The following CCSER1 variants were observed in gnomAD, a reference collection of about 807,000 sequenced individuals.
CCSER1 encodes the protein coiled-coil serine rich protein 1, also known as serine-rich coiled-coil domain-containing protein 1.
In CCSER1, 41 loss-of-function variants were observed where a neutral mutation model predicts 82.0. That is an observed-to-expected ratio of 0.50 (90% confidence interval 0.39 to 0.65). The LOEUF (loss-of-function observed/expected upper bound fraction) is 0.65, where lower values mean the gene tolerates loss of function less well. Ranked by LOEUF, CCSER1 falls within the 30% of genes least tolerant of loss-of-function variation. The probability of loss-of-function intolerance (pLI) is 0.00; values close to 1 mark genes in which losing one functional copy is unlikely to be tolerated. For synonymous variants in CCSER1, 414 were observed against 383.9 expected (o/e 1.08, Z -0.92); for missense variants, 1,119 against 1,064.2 (o/e 1.05, Z -0.72).
intron 4 of CCSER1, among the ~76,000 whole-genome samples, chr4:90,438,357 C>CT (rs1222367697): frequency 1.3e-5 from 2 of 152,084 alleles, no homozygotes; most frequent in Non-Finnish European, 2.9e-5. Flanking sequence ...CACATTTTGA[C>CT]TAAGATCCTT....
At chr4:90,206,521 T>G (rs1264813279) in intron 1 of CCSER1, among the ~76,000 whole-genome samples, 1 of 152,198 alleles carries the variant, frequency 6.6e-6, no homozygotes, top group Non-Finnish European at 1.5e-5. Context: ...AGTGATTTTC[T>G]TAATGCTGAG....
At chr4:90,498,516 A>C (rs1486575671) in intron 5 of CCSER1, among the ~76,000 whole-genome samples, 2 of 152,198 alleles carry the variant, frequency 1.3e-5, no homozygotes, top group Non-Finnish European at 2.9e-5. Flanking sequence ...AGTTGAGAGT[A>C]TCCTCATGAA....
At chr4:91,114,095 G>A (rs762090081) in intron 10 of CCSER1, among the ~76,000 whole-genome samples, 1 of 152,064 alleles carries the variant, frequency 6.6e-6, no homozygotes, top group South Asian at 2.1e-4. Context: ...CTCGTGATCC[G>A]CCCGTCTCGG....
intron 10 of CCSER1, among the ~76,000 whole-genome samples, chr4:91,344,348 T>G (rs1747913133): frequency 6.6e-6 from 1 of 152,170 alleles, no homozygotes; most frequent in South Asian, 2.1e-4. Flanking sequence ...GTTATTTTGT[T>G]ACATCAGCCC....
intron 10 of CCSER1, among the ~76,000 whole-genome samples, chr4:91,467,556 G>C (rs1386970959): frequency 6.6e-6 from 1 of 152,114 alleles, no homozygotes; most frequent in Non-Finnish European, 1.5e-5. Context: ...CCATCAGAGT[G>C]AACAGGCAAC....
intron 10 of CCSER1, among the ~76,000 whole-genome samples, chr4:91,400,570 A>G (rs907324277): frequency 1.3e-5 from 2 of 149,500 alleles, no homozygotes; most frequent in Non-Finnish European, 1.5e-5. Flanking sequence ...CCTTAAAATC[A>G]CAAGCCATTT....
At chr4:90,271,897 A>G (rs1011610284) in intron 1 of CCSER1, among the ~76,000 whole-genome samples, 2 of 87,248 alleles carry the variant, frequency 2.3e-5, no homozygotes, top group Non-Finnish European at 4.4e-5. Flanking sequence ...TTTTAAAAGG[A>G]GGTTTAATTG....
chr4:90,497,296 T>C (rs1447629187), intron 5 of CCSER1, among the ~76,000 whole-genome samples: 4 of 152,180 alleles, frequency 2.6e-5, no homozygotes, highest in Non-Finnish European at 4.4e-5. Flanking sequence ...CTGATACATA[T>C]GAGTTTCAGT....
At chr4:90,549,765 T>C (rs2153639947) in intron 5 of CCSER1, among the ~76,000 whole-genome samples, 1 of 152,046 alleles carries the variant, frequency 6.6e-6, no homozygotes, top group South Asian at 2.1e-4. Context: ...ATCATGAAGA[T>C]GTTCCAGGTA....
At chr4:91,306,258 T>C (rs1745067776) in intron 10 of CCSER1, among the ~76,000 whole-genome samples, 2 of 152,032 alleles carry the variant, frequency 1.3e-5, no homozygotes, top group South Asian at 4.1e-4. Context: ...GGTGAAGGCA[T>C]GAGAAGAAAA....
At chr4:90,774,659 G>A (rs1752665527) in intron 7 of CCSER1, among the ~76,000 whole-genome samples, 1 of 151,918 alleles carries the variant, frequency 6.6e-6, no homozygotes, top group Non-Finnish European at 1.5e-5. Flanking sequence ...TACCTTCCTT[G>A]TTCATTATTA....
At chr4:90,764,512 T>G (rs546332191) in intron 7 of CCSER1, among the ~76,000 whole-genome samples, 1 of 152,228 alleles carries the variant, frequency 6.6e-6, no homozygotes, top group African/African-American at 2.4e-5. Context: ...CACCCAATAA[T>G]GGTGGTTTTT....
At chr4:90,267,967 C>G (rs554126536) in intron 1 of CCSER1, among the ~76,000 whole-genome samples, 1 of 152,128 alleles carries the variant, frequency 6.6e-6, no homozygotes, top group Admixed American at 6.6e-5. Context: ...TCCAAGGAAA[C>G]CTTACAGGCC....
intron 10 of CCSER1, among the ~76,000 whole-genome samples, chr4:91,335,164 G>A (rs902893181): frequency 6.6e-6 from 1 of 152,038 alleles, no homozygotes; most frequent in African/African-American, 2.4e-5. Context: ...TCAGCCAATG[G>A]TAAACCAGCA....
intron 5 of CCSER1, among the ~76,000 whole-genome samples, chr4:90,502,172 T>A (rs1487019483): frequency 6.6e-6 from 1 of 152,114 alleles, no homozygotes; most frequent in Non-Finnish European, 1.5e-5. Context: ...GAAAAGAGGT[T>A]TAGTTGACTC....
At chr4:91,004,029 T>C (rs764894044) in intron 9 of CCSER1, among the ~76,000 whole-genome samples, 4 of 152,224 alleles carry the variant, frequency 2.6e-5, no homozygotes, top group African/African-American at 4.8e-5. Flanking sequence ...GGGCAGACAA[T>C]TCCCCTTTCT....
At position 90,541,936 on chromosome 4, in the gene CCSER1, T is replaced by C. The variant is rs192742776; in HGVS notation, c.1724+73582T>C. On this transcript the variant is annotated intron_variant, in intron 5 of 10. Coordinates refer to ENST00000509176, the MANE Select transcript of CCSER1 (RefSeq NM_001145065.2). ...CTTGTCACTTAATTTCTTCAAGTTCTTCATTCCATATTATTTATTTCTTAA... is the reference window on the plus strand; with the variant it reads ...CTTGTCACTTAATTTCTTCAAGTTCCTCATTCCATATTATTTATTTCTTAA... 7.3e-3 allele frequency among the ~76,000 whole-genome samples: 1,115 copies of C among 152,176 alleles called. 6 individuals carry two copies. Among genetic ancestry groups the C allele is most frequent in the Non-Finnish European group, 0.01 (711 of 67,938 alleles).
chr4:90,153,316 T>C (rs1304493180), intron 1 of CCSER1, among the ~76,000 whole-genome samples: 1 of 152,098 alleles, frequency 6.6e-6, no homozygotes, highest in Non-Finnish European at 1.5e-5. Context: ...TCCAAGTCTT[T>C]GCTATTGTGA....
chr4:91,110,299 A>AAG, intron 10 of CCSER1, among the ~76,000 whole-genome samples: 1 of 151,690 alleles, frequency 6.6e-6, no homozygotes. Context: ...TTCACTAGGA[A>AAG]AAAAATAAAC....
Sources: gnomAD v4.1 joint callset for allele counts (sites outside exome capture counted in the v4.1 genomes callset) on GRCh38, gnomAD v4.1.1 for gene constraint, MANE v1.5 for transcripts, NCBI Gene and HGNC (gene_info 2026-07-23, HGNC 2026-07-21) for gene names.